APBB1IP: variants seen among roughly 807,000 people sequenced by gnomAD.
APBB1IP encodes amyloid beta A4 precursor protein-binding family B member 1-interacting protein.
In APBB1IP, 27 loss-of-function variants were observed where a neutral mutation model predicts 64.9. That is an observed-to-expected ratio of 0.42 (90% CI 0.31 to 0.57). APBB1IP has a LOEUF of 0.57. Among genes scored for constraint, APBB1IP ranks in the 20% least tolerant of loss-of-function variants. The pLI is 0.20. For missense variants in APBB1IP, 812 were observed against 845.5 expected, an observed-to-expected ratio of 0.96 and a Z score of 0.49; for synonymous variants, 392 against 331.0, an observed-to-expected ratio of 1.18 and a Z score of -2.00.
chr10:26,518,056 A>T (rs1836354321), intron 8 of APBB1IP, among the ~76,000 whole-genome samples: 1 of 150,916 alleles, frequency 6.6e-6, no homozygotes, highest in Non-Finnish European at 1.5e-5. Context: ...CTGGGTTCAA[A>T]CGATTCTCCT....
intron 2 of APBB1IP, among the ~76,000 whole-genome samples, chr10:26,454,538 G>A (rs1835500666): frequency 7.4e-6 from 1 of 134,404 alleles, no homozygotes; most frequent in African/African-American, 3.2e-5. Flanking sequence ...ACTCATGGAG[G>A]TAGAGAGTAG....
At chr10:26,483,394 G>T (rs761334765) in intron 2 of APBB1IP, among the ~76,000 whole-genome samples, 38 of 152,134 alleles carry the variant, frequency 2.5e-4, no homozygotes, top group Admixed American at 5.2e-4. Flanking sequence ...TTCACCTAGG[G>T]TGTGAGGATG....
chr10:26,534,033 G>A (rs903457797), intron 9 of APBB1IP, among the ~76,000 whole-genome samples: 2 of 151,774 alleles, frequency 1.3e-5, no homozygotes, highest in Admixed American at 6.6e-5. Flanking sequence ...GATTCAGGGA[G>A]ATGGGGAAAG....
At chr10:26,528,871 A>G (rs1156915100) in intron 8 of APBB1IP, among the ~76,000 whole-genome samples, 1 of 152,190 alleles carries the variant, frequency 6.6e-6, no homozygotes, top group African/African-American at 2.4e-5. Context: ...TGGGAGGCGG[A>G]GGTTGCAGTG....
chr10:26,563,653 C>G (rs1199599365), intron 14 of APBB1IP, among the ~76,000 whole-genome samples: 1 of 152,132 alleles, frequency 6.6e-6, no homozygotes, highest in East Asian at 1.9e-4. Context: ...TCAAAACAAC[C>G]TTAAATAACT....
chr10:26,490,556 C>A (rs1165266773), intron 2 of APBB1IP, among the ~76,000 whole-genome samples: 1 of 152,032 alleles, frequency 6.6e-6, no homozygotes, highest in African/African-American at 2.4e-5. Flanking sequence ...GCCCAGGAGG[C>A]GGAAGTTGCA....
chr10:26,480,232 T>G (rs1285912222), intron 2 of APBB1IP, among the ~76,000 whole-genome samples: 2 of 152,092 alleles, frequency 1.3e-5, no homozygotes, highest in African/African-American at 4.8e-5. Flanking sequence ...AAAGTGGAGA[T>G]AGTGCTGGTA....
At chr10:26,447,916 G>T (rs1343640734) in intron 2 of APBB1IP, among the ~76,000 whole-genome samples, 1 of 151,978 alleles carries the variant, frequency 6.6e-6, no homozygotes, top group Non-Finnish European at 1.5e-5. Context: ...GATTATAGGT[G>T]TAAGCCACTG....
chr10:26,489,108 G>A (rs757813897), intron 2 of APBB1IP, among the ~76,000 whole-genome samples: 1 of 152,166 alleles, frequency 6.6e-6, no homozygotes, highest in Non-Finnish European at 1.5e-5. Context: ...CGCCAGATAG[G>A]GCAGTAGAGA....
rs541551861 is a variant in APBB1IP, at chr10:26,471,972, T to C, written c.1-20355T>C. Among the ~76,000 whole-genome samples the C allele has an allele frequency of 3.9e-5, 6 of 152,312 alleles. No individual in the cohort carries two copies. In the South Asian group the frequency reaches 1.0e-3, roughly 26 times the overall value. Reference sequence around the variant, plus strand: ...TGCTGGGATTACAGGCGTGAGCCACTGTGCCCGGCCTGTTTGAGCTTATTC... The same window carrying C: ...TGCTGGGATTACAGGCGTGAGCCACCGTGCCCGGCCTGTTTGAGCTTATTC... On this transcript the variant is annotated intron_variant, in intron 2 of 14. Coordinates refer to ENST00000376236, the MANE Select transcript of APBB1IP (RefSeq NM_019043.4).
chr10:26,514,629 T>C (rs1440285124), intron 8 of APBB1IP, among the ~76,000 whole-genome samples: 2 of 151,698 alleles, frequency 1.3e-5, no homozygotes, highest in East Asian at 1.9e-4. Flanking sequence ...ATGTTAAAGG[T>C]GAAGAAGTTC....
At chr10:26,472,045 T>A (rs1835723598) in intron 2 of APBB1IP, among the ~76,000 whole-genome samples, 1 of 152,146 alleles carries the variant, frequency 6.6e-6, no homozygotes, top group Non-Finnish European at 1.5e-5. Context: ...ACAGCTCTAA[T>A]CCTCTGGGGT....
chr10:26,502,816 G>A (rs980246280), intron 5 of APBB1IP, among the ~76,000 whole-genome samples: 5 of 152,084 alleles, frequency 3.3e-5, no homozygotes, highest in Non-Finnish European at 5.9e-5. Flanking sequence ...TCCTTAGGTC[G>A]GATCCCAGTT....
At chr10:26,519,100 C>A (rs10764630) in intron 8 of APBB1IP, among the ~76,000 whole-genome samples, 95,016 of 149,162 alleles carry the variant, frequency 0.64, 30,682 homozygotes, top group Admixed American at 0.73. Flanking sequence ...CGTGATGAAA[C>A]CCTGTCTCTA....
chr10:26,443,332 G>A (rs1168547453), intron 2 of APBB1IP, among the ~76,000 whole-genome samples: 1 of 151,830 alleles, frequency 6.6e-6, no homozygotes, highest in African/African-American at 2.4e-5. Flanking sequence ...GCTGAGGCAG[G>A]AGAATCGCTT....
chr10:26,562,344 C>T lies in APBB1IP; in HGVS notation c.1388C>T (p.Thr463Ile), dbSNP rs1007924602. Residue 463 changes from threonine to isoleucine, a missense_variant, in exon 14 of 15, where the codon ACC (threonine) becomes ATC (isoleucine). This residue lies in a region of APBB1IP where 381 missense variants were observed against 352.1 expected (regional missense o/e 1.08). Coordinates refer to ENST00000376236, the MANE Select transcript of APBB1IP (RefSeq NM_019043.4). Reference sequence around the variant, plus strand: ...CTCTCAGGACCTAAAACAGGCACCACCCAGCCCAATGGACAGATTCCCCAG... The same window carrying T: ...CTCTCAGGACCTAAAACAGGCACCATCCAGCCCAATGGACAGATTCCCCAG... ...QPSTGPKTGT[T>I]QPNGQIPQAT... 6.6e-5 allele frequency: 106 copies of T among 1,613,736 alleles called. No individual in the cohort carries two copies. Among genetic ancestry groups the T allele is most frequent in the Non-Finnish European group, 8.7e-5 (103 of 1,179,848 alleles).
At chr10:26,513,752 G>T in intron 8 of APBB1IP, 92 bp downstream of exon 8, 1 of 1,443,298 alleles carries the variant, frequency 6.9e-7, no homozygotes. Flanking sequence ...GACAGGGTCT[G>T]AAAGGCTGGA....
intron 14 of APBB1IP, 135 bp from the exon 15 acceptor site, chr10:26,566,826 T>C: frequency 1.0e-6 from 1 of 978,622 alleles, no homozygotes; most frequent in South Asian, 1.7e-5. Flanking sequence ...AGGTCGAGGC[T>C]GCAGTAAGTC....
intron 4 of APBB1IP, among the ~76,000 whole-genome samples, chr10:26,497,464 TG>T (rs947196184): frequency 2.7e-5 from 4 of 150,016 alleles, no homozygotes; most frequent in African/African-American, 7.4e-5. Flanking sequence ...GGCAGGAGAA[TG>T]GTGTGAACCC....
Sources: gnomAD v4.1 joint callset for allele counts (sites outside exome capture counted in the v4.1 genomes callset) on GRCh38, gnomAD v4.1.1 for gene constraint, gnomAD v4.1.1 regional missense constraint, MANE v1.5 for transcripts, NCBI Gene and HGNC (gene_info 2026-07-23, HGNC 2026-07-21) for gene names.